Variants in PCSK5 observed in about 807,000 individuals in gnomAD.
PCSK5 encodes the protein prohormone convertase 5.
PCSK5 carries 129 observed loss-of-function variants against 233.2 expected under a neutral mutation model. The ratio of observed to expected loss-of-function variants is 0.55; its 90% CI spans 0.48 to 0.64. The LOEUF (loss-of-function observed/expected upper bound fraction) is 0.64. Ranked by LOEUF, PCSK5 falls within the 30% of genes least tolerant of loss-of-function variation. The pLI, the probability that PCSK5 is intolerant of heterozygous loss-of-function variation, is 0.00. For synonymous variants in PCSK5, 825 were observed against 879.2 expected (o/e 0.94, Z 1.09); for missense variants, 2,076 against 2,430.1 (o/e 0.85, Z 3.06).
intron 2 of PCSK5, among the ~76,000 whole-genome samples, chr9:75,946,711 C>T (rs1345963223): frequency 2.0e-5 from 3 of 152,160 alleles, no homozygotes; most frequent in Non-Finnish European, 4.4e-5. Context: ...GCCTCAGCGT[C>T]CCAAGTAGCT....
intron 3 of PCSK5, 101 bp downstream of exon 3, chr9:75,986,346 G>T: frequency 1.4e-6 from 1 of 725,608 alleles, no homozygotes; most frequent in Non-Finnish European, 2.5e-6. Context: ...ATACTGACCA[G>T]GGATTGTTTC....
intron 2 of PCSK5, among the ~76,000 whole-genome samples, chr9:75,943,552 G>A (rs1199497082): frequency 1.3e-5 from 2 of 152,068 alleles, no homozygotes; most frequent in Admixed American, 6.5e-5. Flanking sequence ...AATCTTATTT[G>A]TATACTGAGT....
chr9:76,341,053 G>GAA (rs11446664), intron 35 of PCSK5, among the ~76,000 whole-genome samples: 6,390 of 134,582 alleles, frequency 0.047, 169 homozygotes, highest in African/African-American at 0.082. Context: ...TGTTTCTACA[G>GAA]AAAAAAAAAA....
rs1829414538 is a variant in PCSK5 at position 76,327,951 on chromosome 9, CCCACGAGGG to C, written c.4340-53_4340-45del. 2.8e-6 allele frequency: 3 copies of C among 1,085,532 alleles called. No homozygotes were observed. In the Admixed American group the frequency reaches 5.1e-5, roughly 18 times the overall value. 67.2% of individuals were successfully genotyped at this position (1,085,532 alleles called of 1,614,324 possible). On this transcript the variant is annotated intron_variant, in intron 32 of 37. Transcript: ENST00000674117. ...AGACCCTTTCCCAGGGGAAGCCATT[CCCACGAGGG>C]CCACCCTGGCTCTCGCTCACTCTGT...
chr9:76,228,815 T>G (rs1226143509), intron 21 of PCSK5, among the ~76,000 whole-genome samples: 1 of 152,222 alleles, frequency 6.6e-6, no homozygotes, highest in African/African-American at 2.4e-5. Flanking sequence ...CTGCTTTGCA[T>G]TATGGTCATT....
intron 33 of PCSK5, among the ~76,000 whole-genome samples, chr9:76,329,887 C>T (rs1391893437): frequency 6.6e-6 from 1 of 151,988 alleles, no homozygotes; most frequent in Admixed American, 6.6e-5. Flanking sequence ...TTTCGGGTGA[C>T]TGTGAAGTTG....
At chr9:75,930,947 T>C (rs1456736499) in intron 1 of PCSK5, among the ~76,000 whole-genome samples, 1 of 152,228 alleles carries the variant, frequency 6.6e-6, no homozygotes, top group Non-Finnish European at 1.5e-5. Flanking sequence ...CATTGTTCAC[T>C]GCTGCTTCAG....
chr9:76,176,045 G>A (rs1349666956), intron 14 of PCSK5, among the ~76,000 whole-genome samples: 1 of 151,498 alleles, frequency 6.6e-6, no homozygotes, highest in Non-Finnish European at 1.5e-5. Context: ...ATTAGAGGCT[G>A]GGGTTTATGG....
intron 20 of PCSK5, among the ~76,000 whole-genome samples, chr9:76,192,543 A>G (rs976316381): frequency 1.3e-5 from 2 of 152,182 alleles, no homozygotes; most frequent in Non-Finnish European, 2.9e-5. Context: ...CTGCCCAGAT[A>G]TGAGAGTTGG....
rs1587833635 is a variant in PCSK5, at chr9:76,283,534, A to G, written c.3143-8699A>G. ...TTGCTTACTTAATAGACTACAGTAT[A>G]GTGTATTACTTTTATATGCACTGGG... is the stretch of plus-strand genomic sequence containing the variant. On this transcript the variant is annotated intron_variant, in intron 24 of 37. Transcript: ENST00000674117. 3.3e-5 allele frequency among the ~76,000 whole-genome samples: 5 copies of G among 152,260 alleles called. No homozygotes were observed. The East Asian group carries it at 9.6e-4, about 29-fold the overall frequency.
At chr9:76,073,660 G>C (rs1830550167) in intron 7 of PCSK5, among the ~76,000 whole-genome samples, 1 of 152,024 alleles carries the variant, frequency 6.6e-6, no homozygotes, top group Non-Finnish European at 1.5e-5. Flanking sequence ...AGAGCAATCT[G>C]GACTTTCTCA....
intron 13 of PCSK5, among the ~76,000 whole-genome samples, chr9:76,170,854 C>A (rs181040864): frequency 4.7e-4 from 72 of 152,342 alleles, no homozygotes; most frequent in South Asian, 1.7e-3. Context: ...AGACTTTTGC[C>A]TGCCAATCTG....
intron 1 of PCSK5, among the ~76,000 whole-genome samples, chr9:75,928,637 AT>A (rs1196558098): frequency 4.4e-4 from 59 of 135,512 alleles, no homozygotes; most frequent in African/African-American, 1.5e-3. Context: ...ATATATATAT[AT>A]AATCCTAGAA....
At chr9:75,955,114 G>T (rs1028054174) in intron 2 of PCSK5, among the ~76,000 whole-genome samples, 1 of 152,140 alleles carries the variant, frequency 6.6e-6, no homozygotes, top group Non-Finnish European at 1.5e-5. Context: ...CAAGTGCTGT[G>T]CATTCATAAA....
chr9:76,112,908 C>T (rs1434066407), intron 9 of PCSK5, among the ~76,000 whole-genome samples: 2 of 152,046 alleles, frequency 1.3e-5, no homozygotes, highest in Non-Finnish European at 2.9e-5. Context: ...ACATTGGTTC[C>T]ATAGAAATTT....
chr9:76,126,205 T>TGTGTGGTGC (rs1832849474), intron 9 of PCSK5, among the ~76,000 whole-genome samples: 1 of 110,632 alleles, frequency 9.0e-6, no homozygotes, highest in African/African-American at 3.3e-5. Flanking sequence ...GTGTGTGGTG[T>TGTGTGGTGC]AATTTTTAAA....
intron 2 of PCSK5, among the ~76,000 whole-genome samples, chr9:75,942,378 G>A (rs1472103732): frequency 6.6e-6 from 1 of 152,228 alleles, no homozygotes; most frequent in Non-Finnish European, 1.5e-5. Context: ...AGGGAGAAAG[G>A]CGTAAATGAC....
intron 12 of PCSK5, among the ~76,000 whole-genome samples, chr9:76,163,874 T>G (rs78311896): frequency 0.2 from 29,302 of 143,446 alleles, 3,268 homozygotes; most frequent in South Asian, 0.22. Flanking sequence ...TTTTTTTTTT[T>G]TTTTTCCTGA....
chr9:75,993,308 G>A (rs557806776), intron 3 of PCSK5, among the ~76,000 whole-genome samples: 1 of 152,192 alleles, frequency 6.6e-6, no homozygotes, highest in South Asian at 2.1e-4. Context: ...TTGAGATGTG[G>A]TTTTGTTGTA....
Sources: gnomAD v4.1 joint callset for allele counts (sites outside exome capture counted in the v4.1 genomes callset) on GRCh38, gnomAD v4.1.1 for gene constraint, MANE v1.5 for transcripts, NCBI Gene and HGNC (gene_info 2026-07-23, HGNC 2026-07-21) for gene names.